PPFIA3: variants seen among roughly 807,000 people sequenced by gnomAD.
The protein encoded by PPFIA3 is liprin-alpha-3.
In PPFIA3, 26 loss-of-function variants were observed where a neutral mutation model predicts 145.8. The ratio of observed to expected loss-of-function variants is 0.18; its 90% CI spans 0.13 to 0.25. The LOEUF (loss-of-function observed/expected upper bound fraction) is 0.25. Among genes scored for constraint, PPFIA3 ranks in the 10% least tolerant of loss-of-function variants. The probability of loss-of-function intolerance (pLI) is 1.00; values close to 1 mark genes in which losing one functional copy is unlikely to be tolerated. For missense variants in PPFIA3, 1,008 were observed against 1,587.8 expected (o/e 0.63, Z 6.21); for synonymous variants, 645 against 661.4 (o/e 0.98, Z 0.38).
rs1258520587 is a variant in PPFIA3 at position 49,133,989 on chromosome 19, T to C, written c.1246-45T>C. ...GGGGCTTAGAGGAAGGGCCGTGGTC[T>C]GGGCAGGGTGGGCTTAACAACCCGC... is the stretch of plus-strand genomic sequence containing the variant. On this transcript the variant is annotated intron_variant, in intron 10 of 29. Transcript: ENST00000334186. The surrounding 1 kb of genome is among the most constrained non-coding windows in gnomAD (Gnocchi z 7.2). The C allele has an allele frequency of 1.2e-6, 2 of 1,602,810 alleles. No homozygotes were observed. Among genetic ancestry groups the C allele is most frequent in the South Asian group, 1.1e-5 (1 of 89,676 alleles).
At chr19:49,146,567 G>A (rs1346072787) in intron 23 of PPFIA3, among the ~76,000 whole-genome samples, 2 of 152,182 alleles carry the variant, frequency 1.3e-5, no homozygotes, top group African/African-American at 2.4e-5. Flanking sequence ...GGACACACTG[G>A]CTGTGGTGGT....
intron 21 of PPFIA3, among the ~76,000 whole-genome samples, chr19:49,144,807 A>G (rs1559156): frequency 0.44 from 67,361 of 151,906 alleles, 15,061 homozygotes; most frequent in South Asian, 0.48. Context: ...AATTGGAGAA[A>G]GTCATAACAT....
intron 20 of PPFIA3, 114 bp from the exon 21 acceptor site, chr19:49,142,688 GTC>G (rs1334105383): frequency 8.2e-6 from 7 of 850,628 alleles, no homozygotes; most frequent in Non-Finnish European, 1.3e-5. Context: ...ACTTTCCCAC[GTC>G]TCTGTTTCGC....
chr19:49,149,200 G>T lies in PPFIA3; in HGVS notation c.3285+32G>T, dbSNP rs780468413. The T allele has an allele frequency of 1.8e-5, 29 of 1,613,912 alleles. No individual in the cohort carries two copies. Among genetic ancestry groups the T allele is most frequent in the Admixed American group, 3.3e-5 (2 of 60,002 alleles). On this transcript the variant is annotated intron_variant, in intron 26 of 29. Coordinates refer to ENST00000334186, the MANE Select transcript of PPFIA3 (RefSeq NM_003660.4). This position sits in a 1 kb window ranked among gnomAD's most constrained non-coding sequence, Gnocchi z 5.7. ...TGCCGCTGGGCCCGGAGCATGCTGGGCGTCCCCACCTCGCAGACTGCACGC... is the reference window on the plus strand; with the variant it reads ...TGCCGCTGGGCCCGGAGCATGCTGGTCGTCCCCACCTCGCAGACTGCACGC...
At chr19:49,124,470 A>T (rs1209854579) in intron 1 of PPFIA3, among the ~76,000 whole-genome samples, 1 of 152,144 alleles carries the variant, frequency 6.6e-6, no homozygotes, top group Non-Finnish European at 1.5e-5. Flanking sequence ...GGGTGTCATT[A>T]TGTATGTGGG....
At chr19:49,125,978 GTC>G (rs2040993179) in intron 1 of PPFIA3, among the ~76,000 whole-genome samples, 5 of 151,890 alleles carry the variant, frequency 3.3e-5, no homozygotes, top group African/African-American at 7.2e-5. Flanking sequence ...TTGAGACTGG[GTC>G]TCTCTATATC....
chr19:49,124,416 A>G (rs769826788), intron 1 of PPFIA3, among the ~76,000 whole-genome samples: 10 of 152,028 alleles, frequency 6.6e-5, no homozygotes, highest in Non-Finnish European at 1.3e-4. Context: ...TCTAGATTTT[A>G]TCTGCTGACT....
At position 49,128,814 on chromosome 19, in the gene PPFIA3, C is replaced by T; in HGVS notation, c.343-34C>T. 1 of 1,551,594 alleles carries T rather than the reference C, an allele frequency of 6.4e-7. No individual in the cohort carries two copies. Among genetic ancestry groups the T allele is most frequent in the Non-Finnish European group, 8.7e-7 (1 of 1,149,516 alleles). On this transcript the variant is annotated intron_variant, in intron 3 of 29. Transcript: ENST00000334186. This position sits in a 1 kb window ranked among gnomAD's most constrained non-coding sequence, Gnocchi z 4.1. ...CTCACATCTGCCCCTTTTCCCTTGC[C>T]TCTTTTCCTTGACCCCATGCCGTGT...
chr19:49,142,082 C>T lies in PPFIA3; in HGVS notation c.2511C>T (p.Ala837=), dbSNP rs1665820044. Residue 837 remains alanine, a synonymous_variant, in exon 20 of 30, where the codon GCC becomes GCT. Transcript: ENST00000334186. ...EACRQGLPFA[A]WDGPTVVSWL... ...GCCGCCAGGGCCTACCTTTTGCTGC[C>T]TGGGACGGGCCCACCGTGGTGTCCT... The T allele has an allele frequency of 4.4e-6, 7 of 1,577,978 alleles. No individual in the cohort carries two copies. The highest frequency in any genetic ancestry group is 6.0e-6 in the Non-Finnish European group (7 of 1,161,628).
At position 49,130,366 on chromosome 19, in the gene PPFIA3, C is replaced by T. The variant is rs969268342; in HGVS notation, c.658-12C>T. 2 of 1,584,870 alleles carry T rather than the reference C, an allele frequency of 1.3e-6. No homozygotes were observed. Among genetic ancestry groups the T allele is most frequent in the Non-Finnish European group, 1.7e-6 (2 of 1,163,214 alleles). ...CACTCTGGGATCTTGTCCCCTCCTT[C>T]CCTCACTCCAGACTCTTGCCAATGG... On this transcript the variant is annotated splice_polypyrimidine_tract_variant and intron_variant, in intron 6 of 29. Transcript: ENST00000334186. The surrounding 1 kb of genome is among the most constrained non-coding windows in gnomAD (Gnocchi z 4.5).
intron 23 of PPFIA3, chr19:49,146,483 A>C: frequency 2.0e-6 from 1 of 504,688 alleles, no homozygotes. Flanking sequence ...CTCAGGAGAG[A>C]CTGAGCAGCC....
At chr19:49,121,776 CA>C (rs556703674) in intron 1 of PPFIA3, among the ~76,000 whole-genome samples, 17 of 151,082 alleles carry the variant, frequency 1.1e-4, no homozygotes, top group Admixed American at 9.2e-4. Context: ...AACTCTGTCT[CA>C]AAAAAAAATT....
intron 23 of PPFIA3, 45 bp downstream of exon 23, chr19:49,146,237 A>G: frequency 6.2e-7 from 1 of 1,605,800 alleles, no homozygotes; most frequent in South Asian, 1.1e-5. Context: ...CAGGCTGTGC[A>G]CGACGCATGG....
At chr19:49,136,199 G>A (rs374549148) in intron 14 of PPFIA3, among the ~76,000 whole-genome samples, 2 of 152,178 alleles carry the variant, frequency 1.3e-5, no homozygotes, top group Admixed American at 6.5e-5. Context: ...GTGAGGAACA[G>A]GAGCCAGCTG....
chr19:49,150,349 A>T lies in PPFIA3; in HGVS notation c.*127A>T. 2 of 587,792 alleles carry T rather than the reference A, an allele frequency of 3.4e-6. No individual in the cohort carries two copies. Among genetic ancestry groups the T allele is most frequent in the Non-Finnish European group, 6.0e-6 (2 of 335,434 alleles). 36.4% of individuals were successfully genotyped at this position (587,792 alleles called of 1,614,324 possible). On this transcript the variant is annotated 3_prime_UTR_variant, in exon 30 of 30. Coordinates refer to ENST00000334186, the MANE Select transcript of PPFIA3 (RefSeq NM_003660.4). ...GGGAGCTCGCGCCGAGGACTGGACC[A>T]TCTGTACAGACCAGCGGGAGTGCGC...
In PPFIA3 at chr19:49,146,150, C is replaced by G. The variant is rs771248378; in HGVS notation, c.2809-16C>G. 4.8e-5 allele frequency: 77 copies of G among 1,614,072 alleles called. No homozygotes were observed. Among genetic ancestry groups the G allele is most frequent in the Non-Finnish European group, 6.2e-5 (73 of 1,180,032 alleles). On this transcript the variant is annotated splice_polypyrimidine_tract_variant and intron_variant, in intron 22 of 29. Transcript: ENST00000334186. ...TAACTCACCCCTTCTCTCCCCTCTT[C>G]CTACTAACGGGTCAGGAGACCAAGG...
intron 23 of PPFIA3, among the ~76,000 whole-genome samples, chr19:49,147,336 G>C (rs1254719317): frequency 6.6e-6 from 1 of 152,138 alleles, no homozygotes; most frequent in Admixed American, 6.6e-5. Flanking sequence ...AGGACCGCTT[G>C]AGCCCACGAA....
At position 49,139,716 on chromosome 19, in the gene PPFIA3, G is replaced by A; in HGVS notation, c.2125G>A (p.Ala709Thr). The A allele has an allele frequency of 2.5e-6, 4 of 1,612,760 alleles. No individual in the cohort carries two copies. The highest frequency in any genetic ancestry group is 2.5e-6 in the Non-Finnish European group (3 of 1,179,192). Residue 709 changes from alanine (A) to threonine (T), a missense_variant, in exon 17 of 30, where the codon GCC becomes ACC. Physicochemically the swap from Ala to Thr is moderately conservative, Grantham distance 58. Transcript: ENST00000334186. ...EAGAPRGEGP[A>T]IPGDTPPPTP... ...TGGAGCTCCACGAGGGGAGGGGCCG[G>A]CCATCCCAGGAGACACCCCACCACC...
chr19:49,148,587 C>T (rs2122658788), intron 24 of PPFIA3, 79 bp from the exon 25 acceptor site: 2 of 1,137,878 alleles, frequency 1.8e-6, no homozygotes, highest in Middle Eastern at 2.3e-4. Context: ...AGAGCGCAGC[C>T]AGTGGGGAGG....
Sources: allele counts gnomAD v4.1 joint callset (sites outside exome capture counted in the v4.1 genomes callset), GRCh38; gene constraint gnomAD v4.1.1; non-coding constraint Gnocchi (gnomAD v3.1); transcripts MANE v1.5; gene names NCBI Gene and HGNC (gene_info 2026-07-23, HGNC 2026-07-21).